UGT2A1: variants seen among roughly 807,000 people sequenced by gnomAD.
UGT2A1 encodes UDP glucuronosyltransferase family 2 member A1 complex locus.
UGT2A1 carries 61 observed loss-of-function variants against 45.4 expected under a neutral mutation model. The observed-to-expected ratio is 1.34, with a 90% CI of 1.09 to 1.66. UGT2A1 has a LOEUF of 1.66. Among genes scored for constraint, UGT2A1 ranks in the 40% most tolerant of loss-of-function variants. The pLI, the probability that UGT2A1 is intolerant of heterozygous loss-of-function variation, is 0.00. For missense variants in UGT2A1, 649 were observed against 574.3 expected (o/e 1.13, Z -1.33); for synonymous variants, 229 against 196.2 (o/e 1.17, Z -1.40).
intron 3 of UGT2A1, among the ~76,000 whole-genome samples, chr4:69,622,714 C>G (rs990821990): frequency 6.6e-6 from 1 of 151,652 alleles, no homozygotes; most frequent in African/African-American, 2.4e-5. Flanking sequence ...TACTTGATGT[C>G]TAGGCAATGT....
At chr4:69,595,376 A>C (rs1718861913) in intron 4 of UGT2A1, 127 bp from the exon 5 acceptor site, 1 of 1,058,972 alleles carries the variant, frequency 9.4e-7, no homozygotes. Context: ...AGTAGTTTAC[A>C]AACGTTGAGA....
chr4:69,622,393 C>T (rs990766128), intron 3 of UGT2A1, among the ~76,000 whole-genome samples: 8 of 151,318 alleles, frequency 5.3e-5, no homozygotes, highest in Admixed American at 4.0e-4. Flanking sequence ...GGAAAAAATA[C>T]GAATTATTTA....
intron 3 of UGT2A1, among the ~76,000 whole-genome samples, chr4:69,634,885 T>C (rs1393074958): frequency 2.0e-5 from 3 of 152,160 alleles, no homozygotes; most frequent in Admixed American, 2.0e-4. Flanking sequence ...CTCATTTTTA[T>C]CTTATATTGT....
chr4:69,595,297 C>T (rs1374947149), intron 4 of UGT2A1, 48 bp from the exon 5 acceptor site: 3 of 1,595,034 alleles, frequency 1.9e-6, no homozygotes, highest in Non-Finnish European at 2.6e-6. Flanking sequence ...ACAATGAGGA[C>T]ATTTTAAGTT....
At chr4:69,650,975 T>C (rs1447516132) in intron 1 of UGT2A1, among the ~76,000 whole-genome samples, 1 of 152,202 alleles carries the variant, frequency 6.6e-6, no homozygotes, top group Non-Finnish European at 1.5e-5. Flanking sequence ...ATTGCTGTTA[T>C]GCCACTAATG....
At chr4:69,632,335 AT>A (rs1322156584) in intron 3 of UGT2A1, among the ~76,000 whole-genome samples, 1 of 151,876 alleles carries the variant, frequency 6.6e-6, no homozygotes, top group Non-Finnish European at 1.5e-5. Context: ...GATAAGGTAA[AT>A]TTTTTTTCCA....
At chr4:69,639,472 G>A (rs753572159) in intron 2 of UGT2A1, 2 of 1,612,930 alleles carry the variant, frequency 1.2e-6, no homozygotes, top group African/African-American at 2.7e-5. Context: ...GTCACATTGT[G>A]ATTTCTTTGA....
rs555877556 is a variant in UGT2A1 at position 69,599,490 on chromosome 4, GA to G, written c.848-97del. ...CAGTAATTTCCTGATAAGCTGTTAA[GA>G]AAAAACTGAATTAGGTCTTCTAGAA... On this transcript the variant is annotated intron_variant, in intron 3 of 6. Transcript: ENST00000286604. 5.2e-6 allele frequency: 8 copies of G among 1,539,128 alleles called. No homozygotes were observed. The East Asian group carries it at 9.1e-5, about 18-fold the overall frequency.
At chr4:69,604,216 C>T (rs1438722636) in intron 3 of UGT2A1, among the ~76,000 whole-genome samples, 1 of 137,038 alleles carries the variant, frequency 7.3e-6, no homozygotes. Context: ...AACAGCTGAT[C>T]TCTTGGCAGA....
intron 3 of UGT2A1, among the ~76,000 whole-genome samples, chr4:69,609,558 AGT>A (rs888897542): frequency 5.8e-4 from 89 of 152,292 alleles, no homozygotes; most frequent in African/African-American, 2.0e-3. Flanking sequence ...AATAAAAGTC[AGT>A]AAATGAATTG....
chr4:69,638,473 T>G (rs1721844060), intron 2 of UGT2A1, among the ~76,000 whole-genome samples: 1 of 152,166 alleles, frequency 6.6e-6, no homozygotes, highest in East Asian at 1.9e-4. Flanking sequence ...TCCAGTTTTC[T>G]ATTGCCTGAT....
At chr4:69,640,152 A>T (rs904519164) in intron 2 of UGT2A1, among the ~76,000 whole-genome samples, 1 of 151,990 alleles carries the variant, frequency 6.6e-6, no homozygotes, top group Non-Finnish European at 1.5e-5. Context: ...GGAACTCCAA[A>T]GAATCACAGA....
intron 1 of UGT2A1, among the ~76,000 whole-genome samples, chr4:69,650,713 C>A (rs7674020): frequency 6.6e-6 from 1 of 151,800 alleles, no homozygotes; most frequent in Non-Finnish European, 1.5e-5. Context: ...GTAAAAGTGA[C>A]GTTTAAAAAT....
intron 3 of UGT2A1, among the ~76,000 whole-genome samples, chr4:69,629,023 C>G (rs1386978123): frequency 1.3e-5 from 2 of 151,798 alleles, no homozygotes; most frequent in East Asian, 3.9e-4. Flanking sequence ...CATGGTTATA[C>G]TCTTCTCCTG....
At chr4:69,621,002 C>A (rs1194010365) in intron 3 of UGT2A1, among the ~76,000 whole-genome samples, 1 of 151,986 alleles carries the variant, frequency 6.6e-6, no homozygotes, top group African/African-American at 2.4e-5. Context: ...AATATCAACT[C>A]AAGATGGATT....
intron 1 of UGT2A1, among the ~76,000 whole-genome samples, chr4:69,652,105 T>G (rs1238055578): frequency 6.6e-6 from 1 of 152,094 alleles, no homozygotes; most frequent in Non-Finnish European, 1.5e-5. Context: ...AGTCAAATTC[T>G]TACTTCTGAG....
At chr4:69,590,720 C>G (rs188490798) in intron 6 of UGT2A1, among the ~76,000 whole-genome samples, 1 of 151,492 alleles carries the variant, frequency 6.6e-6, no homozygotes, top group East Asian at 1.9e-4. Flanking sequence ...ATGGATCATC[C>G]GAATATACTT....
At chr4:69,593,764 G>C (rs904284145) in intron 6 of UGT2A1, among the ~76,000 whole-genome samples, 1 of 151,406 alleles carries the variant, frequency 6.6e-6, no homozygotes, top group East Asian at 1.9e-4. Flanking sequence ...GTATCGAATG[G>C]TATATACTCA....
intron 3 of UGT2A1, among the ~76,000 whole-genome samples, chr4:69,608,213 G>A (rs1237790012): frequency 3.4e-4 from 52 of 152,068 alleles, no homozygotes; most frequent in East Asian, 9.7e-4. Flanking sequence ...AATGTGGCAC[G>A]TATACACCAT....
Sources: allele counts gnomAD v4.1 joint callset (sites outside exome capture counted in the v4.1 genomes callset), GRCh38; gene constraint gnomAD v4.1.1; transcripts MANE v1.5; gene names NCBI Gene and HGNC (gene_info 2026-07-23, HGNC 2026-07-21).